The following TRIM44 variants were observed in gnomAD, a reference collection of about 807,000 sequenced individuals.
The protein encoded by TRIM44 is tripartite motif-containing protein 44.
TRIM44 carries 13 observed loss-of-function variants against 37.4 expected under a neutral mutation model. The ratio of observed to expected loss-of-function variants is 0.35; its 90% CI spans 0.23 to 0.55. TRIM44 has a LOEUF of 0.55. Ranked by LOEUF, TRIM44 falls within the 20% of genes least tolerant of loss-of-function variation. The probability of loss-of-function intolerance (pLI) is 0.89; values close to 1 mark genes in which losing one functional copy is unlikely to be tolerated. For missense variants in TRIM44, 426 were observed against 437.2 expected (o/e 0.97, Z 0.23); for synonymous variants, 175 against 157.2 (o/e 1.11, Z -0.85).
intron 2 of TRIM44, among the ~76,000 whole-genome samples, chr11:35,694,098 C>T (rs1173373652): frequency 6.6e-6 from 1 of 152,174 alleles, no homozygotes; most frequent in Non-Finnish European, 1.5e-5. Flanking sequence ...CCATAGGACA[C>T]AACTGCCAAC....
At chr11:35,687,606 A>G (rs1218329470) in intron 2 of TRIM44, among the ~76,000 whole-genome samples, 2 of 152,302 alleles carry the variant, frequency 1.3e-5, no homozygotes, top group East Asian at 3.9e-4. Flanking sequence ...TGTACAAATC[A>G]CACTGAGTGT....
intron 1 of TRIM44, among the ~76,000 whole-genome samples, chr11:35,665,915 GTTCT>G (rs1415173170): frequency 6.7e-6 from 1 of 149,870 alleles, no homozygotes; most frequent in Non-Finnish European, 1.5e-5. Context: ...TTTTTTTGTT[GTTCT>G]TTCTATGTGG....
At chr11:35,701,661 A>G (rs1209615790) in intron 2 of TRIM44, among the ~76,000 whole-genome samples, 1 of 152,176 alleles carries the variant, frequency 6.6e-6, no homozygotes, top group African/African-American at 2.4e-5. Context: ...CTTGAACAGC[A>G]GGCTTATGGG....
intron 1 of TRIM44, among the ~76,000 whole-genome samples, chr11:35,685,037 T>G (rs1331938044): frequency 6.6e-6 from 1 of 152,236 alleles, no homozygotes. Flanking sequence ...TTGTATTTAA[T>G]TTTCATTCCA....
intron 4 of TRIM44, among the ~76,000 whole-genome samples, chr11:35,772,847 T>TG (rs1852892385): frequency 6.6e-6 from 1 of 152,172 alleles, no homozygotes; most frequent in Non-Finnish European, 1.5e-5. Context: ...GTTAAGACTT[T>TG]GGGGGACTGT....
chr11:35,776,595 T>C (rs866425842), intron 4 of TRIM44, among the ~76,000 whole-genome samples: 3 of 152,252 alleles, frequency 2.0e-5, no homozygotes, highest in Admixed American at 6.5e-5. Flanking sequence ...TGTGGGCATT[T>C]AGTGCTATAA....
Position 35,809,718 on chromosome 11 carries a change from A to C in TRIM44, c.*3333A>C, listed in dbSNP as rs1420140684. The C allele has an allele frequency of 2.0e-5, 3 of 152,102 alleles. No homozygotes were observed. Among genetic ancestry groups the C allele is most frequent in the Non-Finnish European group, 4.4e-5 (3 of 68,020 alleles). The allele number at this position is 152,102 out of a possible 1,614,324, so 9.4% of individuals were successfully genotyped here. A position where few individuals can be genotyped will look rare whatever the true frequency, so the allele number is the denominator to read the frequency against. On this transcript the variant is annotated 3_prime_UTR_variant, in exon 5 of 5. Transcript: ENST00000299413. The stretch of plus-strand genomic sequence containing the variant: ...AAAGGAAATCTTCATATTTTAGTAA[A>C]CTTAGCCGCCAGTGTACTCTGTGAG...
chr11:35,674,574 T>C (rs1049655949), intron 1 of TRIM44, among the ~76,000 whole-genome samples: 1 of 152,200 alleles, frequency 6.6e-6, no homozygotes, highest in Non-Finnish European at 1.5e-5. Context: ...TAATAATTGG[T>C]TTTTAACATC....
chr11:35,749,833 C>T (rs552885387), intron 4 of TRIM44, among the ~76,000 whole-genome samples: 21 of 152,332 alleles, frequency 1.4e-4, no homozygotes, highest in South Asian at 2.1e-4. Context: ...TTGACTGACA[C>T]AGTAATTATG....
chr11:35,725,057 T>TGCACACACTCACACACACACACAC (rs1852154785), intron 2 of TRIM44, among the ~76,000 whole-genome samples: 1 of 115,798 alleles, frequency 8.6e-6, no homozygotes, highest in Admixed American at 9.2e-5. Context: ...CTAGGAGACA[T>TGCACACACTCACACACACACACAC]GCACACACTC....
At chr11:35,727,007 T>C (rs922282735) in intron 3 of TRIM44, among the ~76,000 whole-genome samples, 5 of 149,702 alleles carry the variant, frequency 3.3e-5, no homozygotes, top group African/African-American at 1.2e-4. Flanking sequence ...AAAAAAAAAA[T>C]AAAAAAGTAG....
chr11:35,675,931 G>A (rs1294074500), intron 1 of TRIM44, among the ~76,000 whole-genome samples: 1 of 152,040 alleles, frequency 6.6e-6, no homozygotes, highest in Non-Finnish European at 1.5e-5. Context: ...AAGGGAGACT[G>A]GGAAACAGTC....
chr11:35,741,615 A>G (rs1002120758), intron 4 of TRIM44, among the ~76,000 whole-genome samples: 4 of 152,186 alleles, frequency 2.6e-5, no homozygotes, highest in Non-Finnish European at 5.9e-5. Flanking sequence ...TTTGCATGCT[A>G]TGGTTTAACT....
intron 4 of TRIM44, among the ~76,000 whole-genome samples, chr11:35,748,922 A>G (rs943247494): frequency 6.6e-6 from 1 of 152,210 alleles, no homozygotes; most frequent in African/African-American, 2.4e-5. Flanking sequence ...AGGCTGTCCA[A>G]AACTCATCTA....
At chr11:35,801,310 C>T (rs1853365916) in intron 4 of TRIM44, among the ~76,000 whole-genome samples, 1 of 152,200 alleles carries the variant, frequency 6.6e-6, no homozygotes, top group Non-Finnish European at 1.5e-5. Context: ...GCCTTCGTTC[C>T]TTGTCAATAC....
Position 35,663,721 on chromosome 11 carries a change from A to G in TRIM44, c.610A>G (p.Ile204Val). 1 of 1,614,086 alleles carries G rather than the reference A, an allele frequency of 6.2e-7. No homozygotes were observed. The change falls in exon 1 of 5, where the codon ATT (isoleucine) becomes GTT (valine). Residue 204 changes from isoleucine (I) to valine (V), a missense_variant. Coordinates refer to ENST00000299413, the MANE Select transcript of TRIM44 (RefSeq NM_017583.6). ...RQLICVLCPV[I>V]GAHQGHQLST... ...GCTCATCTGTGTCCTGTGTCCAGTC[A>G]TTGGGGCTCACCAGGGCCACCAACT...
rs770423865 is a variant in TRIM44 at position 35,808,379 on chromosome 11, C to T, written c.*1994C>T. On this transcript the variant is annotated 3_prime_UTR_variant, in exon 5 of 5. Coordinates refer to ENST00000299413, the MANE Select transcript of TRIM44 (RefSeq NM_017583.6). ...CCTAAAAGAAGGACCAGTGGCCACTCTCGAAAAAATTTAAGTATCAGAAGA... is the reference window on the plus strand; with the variant it reads ...CCTAAAAGAAGGACCAGTGGCCACTTTCGAAAAAATTTAAGTATCAGAAGA... 1 of 151,962 alleles carries T rather than the reference C, an allele frequency of 6.6e-6. No individual in the cohort carries two copies. The highest frequency in any genetic ancestry group is 1.5e-5 in the Non-Finnish European group (1 of 67,994). 9.4% of individuals were successfully genotyped at this position (151,962 alleles called of 1,614,324 possible).
At chr11:35,754,044 A>G (rs547363378) in intron 4 of TRIM44, among the ~76,000 whole-genome samples, 17 of 149,366 alleles carry the variant, frequency 1.1e-4, no homozygotes, top group African/African-American at 3.1e-4. Context: ...ACTGTCTCAA[A>G]TTTAAAAAAA....
In TRIM44 at chr11:35,663,394, G is replaced by A. The variant is rs1448404021; in HGVS notation, c.283G>A (p.Ala95Thr). 6.2e-7 allele frequency: 1 copy of A among 1,603,180 alleles called. No individual in the cohort carries two copies. Among genetic ancestry groups the A allele is most frequent in the Non-Finnish European group, 8.5e-7 (1 of 1,174,258 alleles). The change falls in exon 1 of 5, where the codon GCA becomes ACA. Residue 95 changes from alanine (A) to threonine (T), a missense_variant. By Grantham distance (58) the Ala-to-Thr change is moderately conservative (BLOSUM62 0). Around this residue, in one of 2 missense-constraint regions of TRIM44, gnomAD observed 331 missense variants for 303.0 expected, o/e 1.09. Coordinates refer to ENST00000299413, the MANE Select transcript of TRIM44 (RefSeq NM_017583.6). ...GCAGGAGAGGGAGATAGAAAGCGAG[G>A]CAGGGGAAGAGAGTGAGTCGGAGGA... Reference protein sequence around the residue: ...VEQEREIESEAGEESESEEES... With the variant: ...VEQEREIESETGEESESEEES...
Sources: allele counts gnomAD v4.1 joint callset (sites outside exome capture counted in the v4.1 genomes callset), GRCh38; gene constraint gnomAD v4.1.1; regional missense constraint gnomAD v4.1.1; transcripts MANE v1.5; gene names NCBI Gene and HGNC (gene_info 2026-07-23, HGNC 2026-07-21).